The following AKAP1 variants were observed in gnomAD, a reference collection of about 807,000 sequenced individuals.
AKAP1 encodes the protein A-kinase anchoring protein 1.
AKAP1 carries 32 observed loss-of-function variants against 79.8 expected under a neutral mutation model. The observed-to-expected ratio is 0.40, with a 90% CI of 0.30 to 0.54. AKAP1 has a LOEUF of 0.54. Among genes scored for constraint, AKAP1 ranks in the 20% least tolerant of loss-of-function variants. The pLI, the probability that AKAP1 is intolerant of heterozygous loss-of-function variation, is 0.47. For synonymous variants in AKAP1, 416 were observed against 466.7 expected (o/e 0.89, Z 1.40); for missense variants, 961 against 1,138.9 (o/e 0.84, Z 2.25).
chr17:57,107,006 A>G lies in AKAP1; in HGVS notation c.1542A>G (p.Ser514=), dbSNP rs755663258. The change falls in exon 2 of 11, where the codon TCA becomes TCG. Residue 514 remains serine (S), a synonymous_variant. Transcript: ENST00000337714. ...ACTGCTCAGATTCTTTCAGCACTTC[A>G]GGGCTTGAAGACTCTTGCACAGAGA... ...PGHCSDSFST[S]GLEDSCTETS... is the part of the protein sequence containing the mutation. 1 of 1,614,152 alleles carries G rather than the reference A, an allele frequency of 6.2e-7. No individual in the cohort carries two copies. Among genetic ancestry groups the G allele is most frequent in the Non-Finnish European group, 8.5e-7 (1 of 1,180,018 alleles).
chr17:57,111,965 T>C (rs1915274499), intron 4 of AKAP1, 41 bp downstream of exon 4: 11 of 1,595,376 alleles, frequency 6.9e-6, no homozygotes, highest in Non-Finnish European at 9.4e-6. Context: ...TTACCTGAAA[T>C]ATTAAATAGA....
intron 1 of AKAP1, among the ~76,000 whole-genome samples, chr17:57,102,636 CT>C (rs1044522567): frequency 3.0e-4 from 44 of 148,094 alleles, no homozygotes; most frequent in Non-Finnish European, 1.7e-4. Flanking sequence ...GGCTCTCTCT[CT>C]TTTTTTTTTG....
At chr17:57,092,612 C>T (rs1913849814) in intron 1 of AKAP1, 1 of 152,166 alleles carries the variant, frequency 6.6e-6, no homozygotes. Flanking sequence ...AAAAGCAAGC[C>T]CCTGTTTACC....
chr17:57,089,682 T>C (rs1469852291), intron 1 of AKAP1, among the ~76,000 whole-genome samples: 2 of 152,328 alleles, frequency 1.3e-5, no homozygotes, highest in East Asian at 3.9e-4. Context: ...ATGTTTGAGC[T>C]TAGTCTTCCA....
At chr17:57,119,830 C>CTTTTTTTTTTTCTTTTTTTTTTTTTTT (rs1915811443) in intron 10 of AKAP1, among the ~76,000 whole-genome samples, 2 of 70,290 alleles carry the variant, frequency 2.8e-5, no homozygotes, top group Admixed American at 2.0e-4. Context: ...CCCTGTTACT[C>CTTTTTTTTTTTCTTTTTTTTTTTTTTT]TTTTTTTTTT....
At chr17:57,109,562 G>T (rs930410069) in intron 2 of AKAP1, among the ~76,000 whole-genome samples, 3 of 152,222 alleles carry the variant, frequency 2.0e-5, no homozygotes, top group Non-Finnish European at 2.9e-5. Context: ...ATGACCCTGG[G>T]ACTGGGCCCT....
At chr17:57,118,073 G>A (rs1228452620) in intron 8 of AKAP1, among the ~76,000 whole-genome samples, 2 of 152,158 alleles carry the variant, frequency 1.3e-5, no homozygotes, top group Non-Finnish European at 1.5e-5. Flanking sequence ...CAGCATCCGA[G>A]TTGGTGGGGG....
chr17:57,115,788 T>C (rs1915541971), intron 6 of AKAP1, among the ~76,000 whole-genome samples: 1 of 152,170 alleles, frequency 6.6e-6, no homozygotes, highest in Admixed American at 6.5e-5. Flanking sequence ...GTGCTATATT[T>C]ACTTGGTTTA....
At chr17:57,087,369 CTGTT>C (rs1323152600) in intron 1 of AKAP1, among the ~76,000 whole-genome samples, 63 of 152,208 alleles carry the variant, frequency 4.1e-4, no homozygotes, top group Non-Finnish European at 1.2e-4. Flanking sequence ...GTGGAGGTGT[CTGTT>C]GTAAGTGGCC....
Position 57,106,395 on chromosome 17 carries a change from G to C in AKAP1, c.931G>C (p.Asp311His). The C allele has an allele frequency of 7.1e-7, 1 of 1,410,868 alleles. No homozygotes were observed. Among genetic ancestry groups the C allele is most frequent in the Non-Finnish European group, 9.9e-7 (1 of 1,012,448 alleles). 87.4% of individuals were successfully genotyped at this position (1,410,868 alleles called of 1,614,324 possible). A position where few individuals can be genotyped will look rare whatever the true frequency, so the allele number is the denominator to read the frequency against. ...AGAACTGGGCAATGAGGAGAGCTTGGATAGAAATGAGGAGGGCTTGGATAG... is the reference window on the plus strand; with the variant it reads ...AGAACTGGGCAATGAGGAGAGCTTGCATAGAAATGAGGAGGGCTTGGATAG... ...EGELGNEESL[D>H]RNEEGLDRNE... Residue 311 changes from aspartate (D) to histidine (H), a missense_variant, in exon 2 of 11, where the codon GAT becomes CAT. Transcript: ENST00000337714.
intron 1 of AKAP1, among the ~76,000 whole-genome samples, chr17:57,105,208 G>T (rs576352586): frequency 2.0e-5 from 3 of 152,332 alleles, no homozygotes; most frequent in African/African-American, 7.2e-5. Flanking sequence ...TCAAGAGGGT[G>T]CGTGAGTTGG....
rs201036588 is a variant in AKAP1 at position 57,111,810 on chromosome 17, C to G, written c.1861C>G (p.Arg621Gly). 1 of 1,614,044 alleles carries G rather than the reference C, an allele frequency of 6.2e-7. No homozygotes were observed. The highest frequency in any genetic ancestry group is 1.1e-5 in the South Asian group (1 of 91,068). The change falls in exon 4 of 11, where the codon CGG (arginine) becomes GGG (glycine). Residue 621 changes from arginine (R) to glycine (G), a missense_variant. Coordinates refer to ENST00000337714, the MANE Select transcript of AKAP1 (RefSeq NM_003488.4). Reference sequence around the variant, plus strand: ...GTCTTTCTGGAAGCACTTAGTCGGTCGGCTAATTGGCAAGCAGGGGCGCTA... The same window carrying G: ...GTCTTTCTGGAAGCACTTAGTCGGTGGGCTAATTGGCAAGCAGGGGCGCTA... ...EIEVPKHLVGRLIGKQGRYVS... is the reference protein window; with the variant it reads ...EIEVPKHLVGGLIGKQGRYVS...
Position 57,111,835 on chromosome 17 carries a change from A to G in AKAP1, c.1886A>G (p.Tyr629Cys). 3 of 1,614,124 alleles carry G rather than the reference A, an allele frequency of 1.9e-6. No homozygotes were observed. In the South Asian group the frequency reaches 3.3e-5, roughly 18 times the overall value. ...VGRLIGKQGR[Y>C]VSFLKQTSGA... ...CGGCTAATTGGCAAGCAGGGGCGCT[A>G]TGTGAGTTTTCTGAAGCAAACATCT... Residue 629 changes from tyrosine to cysteine, a missense_variant, in exon 4 of 11, where the codon TAT (tyrosine) becomes TGT (cysteine). Coordinates refer to ENST00000337714, the MANE Select transcript of AKAP1 (RefSeq NM_003488.4).
chr17:57,106,073 A>G lies in AKAP1; in HGVS notation c.609A>G (p.Glu203=), dbSNP rs1338904907. ...GERARETGGA[E]GTGDAVLGEK... ...GGGCAAGAGAGACAGGTGGGGCCGA[A>G]GGGACTGGTGATGCCGTGTTGGGGG... The change falls in exon 2 of 11, where the codon GAA becomes GAG. Residue 203 remains glutamate, a synonymous_variant. Coordinates refer to ENST00000337714, the MANE Select transcript of AKAP1 (RefSeq NM_003488.4). 1 of 1,609,260 alleles carries G rather than the reference A, an allele frequency of 6.2e-7. No homozygotes were observed. The highest frequency in any genetic ancestry group is 2.2e-5 in the East Asian group (1 of 44,814).
Position 57,107,038 on chromosome 17 carries a change from C to T in AKAP1, c.1574C>T (p.Ser525Leu), listed in dbSNP as rs775916699. The change falls in exon 2 of 11, where the codon TCG (serine) becomes TTG (leucine). Residue 525 changes from serine (S) to leucine (L), a missense_variant. This residue lies in a region of AKAP1 where 629 missense variants were observed against 781.1 expected (regional missense o/e 0.81). Transcript: ENST00000337714. ...GLEDSCTETS[S>L]SPRDKAITPP... ...GAAGACTCTTGCACAGAGACCAGCT[C>T]GAGCCCCAGGGACAAGGCCATCACC... The T allele has an allele frequency of 1.1e-5, 17 of 1,614,006 alleles. No homozygotes were observed. The South Asian group carries it at 1.3e-4, about 13-fold the overall frequency.
At chr17:57,087,117 G>C (rs933834071) in intron 1 of AKAP1, among the ~76,000 whole-genome samples, 10 of 152,214 alleles carry the variant, frequency 6.6e-5, no homozygotes, top group African/African-American at 2.4e-4. Flanking sequence ...GGTTAGAGGA[G>C]GTCCTCTGGA....
intron 1 of AKAP1, chr17:57,101,820 C>G (rs1273418922): frequency 6.6e-6 from 1 of 152,120 alleles, no homozygotes; most frequent in Admixed American, 6.5e-5. Context: ...AGAAACTTCC[C>G]CTCTCCTACA....
rs752198952 is a variant in AKAP1 at position 57,114,482 on chromosome 17, C to T, written c.2127C>T (p.Thr709=). 3.5e-5 allele frequency: 56 copies of T among 1,613,998 alleles called. No individual in the cohort carries two copies. Among genetic ancestry groups the T allele is most frequent in the Non-Finnish European group, 4.2e-5 (50 of 1,180,038 alleles). ...AGCTCATGCTGCCTGATGGCATCACCGTGGAGGTCATTGTGGTCAACCAGG... is the reference window on the plus strand; with the variant it reads ...AGCTCATGCTGCCTGATGGCATCACTGTGGAGGTCATTGTGGTCAACCAGG... ...TSWLMLPDGI[T]VEVIVVNQVN... The change falls in exon 6 of 11, where the codon ACC becomes ACT. Residue 709 remains threonine (T), a synonymous_variant. Coordinates refer to ENST00000337714, the MANE Select transcript of AKAP1 (RefSeq NM_003488.4).
intron 1 of AKAP1, among the ~76,000 whole-genome samples, chr17:57,097,055 A>G (rs1914156483): frequency 2.0e-5 from 3 of 152,022 alleles, no homozygotes; most frequent in South Asian, 4.2e-4. Flanking sequence ...TGCTGCGACT[A>G]TGGCTCCTGT....
Sources: allele counts gnomAD v4.1 joint callset (sites outside exome capture counted in the v4.1 genomes callset), GRCh38; gene constraint gnomAD v4.1.1; regional missense constraint gnomAD v4.1.1; transcripts MANE v1.5; gene names NCBI Gene and HGNC (gene_info 2026-07-23, HGNC 2026-07-21).